Variants in ZBTB40 observed in about 807,000 individuals in gnomAD.
ZBTB40 encodes the protein zinc finger and BTB domain-containing protein 40.
A neutral mutation model predicts 117.5 loss-of-function variants in ZBTB40; 60 were observed. The ratio of observed to expected loss-of-function variants is 0.51; its 90% CI spans 0.41 to 0.63. The LOEUF (loss-of-function observed/expected upper bound fraction) is 0.63. Ranked by LOEUF, ZBTB40 falls within the 30% of genes least tolerant of loss-of-function variation. The probability of loss-of-function intolerance (pLI) is 0.00; values close to 1 mark genes in which losing one functional copy is unlikely to be tolerated. For missense variants in ZBTB40, 1,287 were observed against 1,498.5 expected (o/e 0.86, Z 2.33); for synonymous variants, 525 against 577.1 (o/e 0.91, Z 1.29).
intron 1 of ZBTB40, among the ~76,000 whole-genome samples, chr1:22,430,088 CTAA>C (rs1640559513): frequency 6.6e-6 from 1 of 152,198 alleles, no homozygotes; most frequent in Non-Finnish European, 1.5e-5. Flanking sequence ...ACTATAATCA[CTAA>C]TAAGTGTTTT....
At chr1:22,518,547 C>T (rs1011815352) in intron 13 of ZBTB40, among the ~76,000 whole-genome samples, 6 of 152,160 alleles carry the variant, frequency 3.9e-5, no homozygotes, top group African/African-American at 1.2e-4. Flanking sequence ...TCTTCCCTCC[C>T]CACCCCTCTT....
Position 22,508,716 on chromosome 1 carries a change from G to C in ZBTB40, c.1684G>C (p.Ala562Pro), listed in dbSNP as rs1464542079. The C allele has an allele frequency of 6.2e-7, 1 of 1,613,666 alleles. No homozygotes were observed. Among genetic ancestry groups the C allele is most frequent in the South Asian group, 1.1e-5 (1 of 91,054 alleles). ...AATACGAAGGGAGCCTGGTGCCGAT[G>C]CTTTCTTCCGGGCAGGTAAGTTACC... Reference protein sequence around the residue: ...EEIRREPGADAFFRAVTTPEH... With the variant: ...EEIRREPGADPFFRAVTTPEH... Residue 562 changes from alanine (A) to proline (P), a missense_variant, in exon 8 of 18, where the codon GCT (alanine) becomes CCT (proline). Coordinates refer to ENST00000375647, the MANE Select transcript of ZBTB40 (RefSeq NM_014870.4).
At chr1:22,506,904 A>C (rs1459505614) in intron 6 of ZBTB40, among the ~76,000 whole-genome samples, 4 of 152,170 alleles carry the variant, frequency 2.6e-5, no homozygotes, top group African/African-American at 9.7e-5. Flanking sequence ...ACACCTTGAC[A>C]TGTTTTATCT....
At chr1:22,443,174 T>G (rs188817259) in intron 1 of ZBTB40, among the ~76,000 whole-genome samples, 2 of 152,334 alleles carry the variant, frequency 1.3e-5, no homozygotes, top group African/African-American at 2.4e-5. Context: ...TGGGGTTTTT[T>G]GATTAAAAAA....
At chr1:22,506,459 T>C (rs1249734978) in intron 6 of ZBTB40, among the ~76,000 whole-genome samples, 1 of 152,240 alleles carries the variant, frequency 6.6e-6, no homozygotes, top group African/African-American at 2.4e-5. Context: ...CCTCATGGTG[T>C]TCCTGTGGCT....
At chr1:22,522,527 T>C in intron 16 of ZBTB40, 64 bp downstream of exon 16, 1 of 1,496,674 alleles carries the variant, frequency 6.7e-7, no homozygotes, top group South Asian at 1.1e-5. Context: ...CTCCACCACT[T>C]GCAGCTTTGC....
chr1:22,446,406 T>C (rs1034328078), intron 1 of ZBTB40, among the ~76,000 whole-genome samples: 11 of 151,916 alleles, frequency 7.2e-5, no homozygotes, highest in African/African-American at 2.7e-4. Flanking sequence ...GAACCACAGA[T>C]CACAGAAGCT....
intron 1 of ZBTB40, among the ~76,000 whole-genome samples, chr1:22,441,473 CTTTTTTTTTTT>C (rs71020419): frequency 2.7e-5 from 2 of 73,714 alleles, no homozygotes; most frequent in Non-Finnish European, 4.9e-5. Context: ...TATTTGCTTT[CTTTTTTTTTTT>C]TTTTTTTTTT....
In ZBTB40 at chr1:22,501,624, G is replaced by A; in HGVS notation, c.964G>A (p.Ala322Thr). The A allele has an allele frequency of 6.2e-7, 1 of 1,614,086 alleles. No individual in the cohort carries two copies. Among genetic ancestry groups the A allele is most frequent in the South Asian group, 1.1e-5 (1 of 91,070 alleles). The change falls in exon 4 of 18, where the codon GCA becomes ACA. Residue 322 changes from alanine (A) to threonine (T), a missense_variant. By Grantham distance (58) the Ala-to-Thr change is moderately conservative. Coordinates refer to ENST00000375647, the MANE Select transcript of ZBTB40 (RefSeq NM_014870.4). The part of the protein sequence containing the change: ...LLRLYQYSNP[A>T]VKTALLDRKP... Reference sequence around the variant, plus strand: ...GAGGCTGTACCAATATTCTAATCCTGCAGTAAAAACAGCACTATTAGACAG... The same window carrying A: ...GAGGCTGTACCAATATTCTAATCCTACAGTAAAAACAGCACTATTAGACAG...
intron 3 of ZBTB40, among the ~76,000 whole-genome samples, chr1:22,494,508 A>C (rs771967607): frequency 5.3e-5 from 8 of 152,202 alleles, no homozygotes; most frequent in Non-Finnish European, 1.2e-4. Flanking sequence ...GAACTTGAGA[A>C]TCTACATATT....
Position 22,439,180 on chromosome 1 carries a change from A to G in ZBTB40, c.-70+10166A>G, listed in dbSNP as rs146020080. 2.8e-3 allele frequency among the ~76,000 whole-genome samples: 419 copies of G among 152,212 alleles called. 4 individuals carry two copies. The highest frequency in any genetic ancestry group is 0.01 in the Middle Eastern group (3 of 294). ...CATGCCTGGCCTGCGTCTTTTGCCT[A>G]TTTTTAAATTGGGACTTATTTTTGT... On this transcript the variant is annotated intron_variant, in intron 1 of 8. Coordinates refer to the ZBTB40 transcript ENST00000650433.
chr1:22,494,372 G>A (rs1638714919), intron 3 of ZBTB40, among the ~76,000 whole-genome samples: 1 of 152,236 alleles, frequency 6.6e-6, no homozygotes, highest in South Asian at 2.1e-4. Context: ...TTCCTGTACT[G>A]CAGGGGTAGT....
Position 22,526,618 on chromosome 1 carries a change from A to C in ZBTB40, c.*222A>C, listed in dbSNP as rs1205357753. 1.2e-5 allele frequency: 7 copies of C among 575,758 alleles called. No homozygotes were observed. The East Asian group carries it at 2.3e-4, about 19-fold the overall frequency. The allele number at this position is 575,758 out of a possible 1,614,324, so 35.7% of individuals were successfully genotyped here. A position where few individuals can be genotyped will look rare whatever the true frequency, so the allele number is the denominator to read the frequency against. On this transcript the variant is annotated 3_prime_UTR_variant, in exon 18 of 18. Transcript: ENST00000375647. ...AACAGCACCATCCTCTGTAGCAGAC[A>C]GGCCTCCCTCCCCACAGGCCCGCTG...
At chr1:22,508,280 G>C in intron 7 of ZBTB40, 143 bp downstream of exon 7, 1 of 1,100,258 alleles carries the variant, frequency 9.1e-7, no homozygotes, top group Non-Finnish European at 1.3e-6. Context: ...GAAATAGAAG[G>C]TATCTCAGTT....
upstream of ZBTB40, among the ~76,000 whole-genome samples, chr1:22,446,910 C>T (rs1471342845): frequency 2.0e-5 from 3 of 151,988 alleles, no homozygotes; most frequent in East Asian, 5.8e-4. Context: ...TGAGACCAGC[C>T]TGGGCAACAT....
intron 1 of ZBTB40, among the ~76,000 whole-genome samples, chr1:22,446,802 G>GA (rs112912518): frequency 0.4 from 60,112 of 151,864 alleles, 14,772 homozygotes; most frequent in African/African-American, 0.66. Context: ...TAGAGAGGAG[G>GA]AAAATTATAT....
intron 12 of ZBTB40, among the ~76,000 whole-genome samples, chr1:22,515,823 T>C (rs546923836): frequency 6.6e-6 from 1 of 152,228 alleles, no homozygotes; most frequent in Non-Finnish European, 1.5e-5. Flanking sequence ...CATGAAGCCA[T>C]AGAAGGGTTT....
At chr1:22,507,542 C>CT (rs1223031355) in intron 6 of ZBTB40, among the ~76,000 whole-genome samples, 2 of 152,128 alleles carry the variant, frequency 1.3e-5, no homozygotes, top group African/African-American at 4.8e-5. Flanking sequence ...TAAATATGAC[C>CT]TCTTAAAAGA....
intron 12 of ZBTB40, among the ~76,000 whole-genome samples, chr1:22,516,272 GTTTA>G (rs1467062969): frequency 6.6e-6 from 1 of 152,166 alleles, no homozygotes; most frequent in African/African-American, 2.4e-5. Flanking sequence ...AAGTATGTTA[GTTTA>G]TCCTGCTGCT....
Sources: gnomAD v4.1 joint callset for allele counts (sites outside exome capture counted in the v4.1 genomes callset) on GRCh38, gnomAD v4.1.1 for gene constraint, MANE v1.5 for transcripts, NCBI Gene and HGNC (gene_info 2026-07-23, HGNC 2026-07-21) for gene names.